The following CSGALNACT1 variants were observed in gnomAD, a reference collection of about 807,000 sequenced individuals.
The protein encoded by CSGALNACT1 is chondroitin sulfate N-acetylgalactosaminyltransferase 1, also known as beta4GalNAcT-1.
In CSGALNACT1, 52 loss-of-function variants were observed where a neutral mutation model predicts 51.0. The observed-to-expected ratio is 1.02, with a 90% CI of 0.82 to 1.29. The LOEUF (loss-of-function observed/expected upper bound fraction) is 1.29, where lower values mean the gene tolerates loss of function less well. Ranked by LOEUF, CSGALNACT1 falls within the 50% of genes most tolerant of loss-of-function variation. CSGALNACT1 has a pLI of 0.00. For missense variants in CSGALNACT1, 935 were observed against 679.2 expected, an observed-to-expected ratio of 1.38 and a Z score of -4.19; for synonymous variants, 341 against 254.4, an observed-to-expected ratio of 1.34 and a Z score of -3.24.
intron 5 of CSGALNACT1, among the ~76,000 whole-genome samples, chr8:19,440,794 G>C (rs1167652880): frequency 5.3e-5 from 8 of 151,972 alleles, no homozygotes; most frequent in African/African-American, 1.9e-4. Flanking sequence ...GTTTGCAGAT[G>C]ACATGATTGT....
intron 6 of CSGALNACT1, among the ~76,000 whole-genome samples, chr8:19,435,326 C>A (rs1423642056): frequency 6.6e-6 from 1 of 152,104 alleles, no homozygotes; most frequent in Non-Finnish European, 1.5e-5. Flanking sequence ...AACCCCATCT[C>A]TTCTAAAAAT....
At chr8:19,490,241 G>T (rs2074062105) in intron 4 of CSGALNACT1, among the ~76,000 whole-genome samples, 1 of 152,192 alleles carries the variant, frequency 6.6e-6, no homozygotes, top group East Asian at 1.9e-4. Flanking sequence ...ACAGATGGAA[G>T]GCTGCACACG....
chr8:19,736,892 C>G (rs1250448829), intron 1 of CSGALNACT1, among the ~76,000 whole-genome samples: 1 of 151,010 alleles, frequency 6.6e-6, no homozygotes, highest in African/African-American at 2.4e-5. Flanking sequence ...GACAATTATC[C>G]TTGAGTTCAG....
intron 3 of CSGALNACT1, among the ~76,000 whole-genome samples, chr8:19,571,048 T>C (rs1362274973): frequency 6.6e-6 from 1 of 152,194 alleles, no homozygotes; most frequent in Non-Finnish European, 1.5e-5. Flanking sequence ...GCACAATCAC[T>C]GCAGCCTCAA....
chr8:19,578,228 T>A (rs146250769), intron 3 of CSGALNACT1, among the ~76,000 whole-genome samples: 1 of 152,196 alleles, frequency 6.6e-6, no homozygotes, highest in Admixed American at 6.5e-5. Flanking sequence ...TAAATATTTA[T>A]CACCATTTCT....
chr8:19,697,571 T>C (rs1176865798), intron 1 of CSGALNACT1, among the ~76,000 whole-genome samples: 1 of 152,170 alleles, frequency 6.6e-6, no homozygotes, highest in African/African-American at 2.4e-5. Context: ...TGGAAAAATC[T>C]AGAGACTGGA....
At chr8:19,669,592 A>G (rs557563891) in intron 1 of CSGALNACT1, among the ~76,000 whole-genome samples, 1 of 152,210 alleles carries the variant, frequency 6.6e-6, no homozygotes, top group South Asian at 2.1e-4. Flanking sequence ...GCTGGGATTA[A>G]TAGGTGCCTG....
intron 3 of CSGALNACT1, among the ~76,000 whole-genome samples, chr8:19,532,664 A>G (rs1032578844): frequency 6.6e-6 from 1 of 152,110 alleles, no homozygotes; most frequent in African/African-American, 2.4e-5. Flanking sequence ...CTTGGCTCCT[A>G]CCATATTCCA....
intron 6 of CSGALNACT1, among the ~76,000 whole-genome samples, chr8:19,421,463 T>G (rs1462579575): frequency 6.6e-6 from 1 of 152,208 alleles, no homozygotes; most frequent in Non-Finnish European, 1.5e-5. Context: ...GAGAACCACC[T>G]TCAGTCTTCT....
chr8:19,607,020 T>G (rs930550510), upstream of CSGALNACT1, among the ~76,000 whole-genome samples: 1 of 152,026 alleles, frequency 6.6e-6, no homozygotes, highest in Non-Finnish European at 1.5e-5. Context: ...CCGGGCATGG[T>G]GGCAGGCGCC....
intron 3 of CSGALNACT1, among the ~76,000 whole-genome samples, chr8:19,586,260 G>T (rs915586333): frequency 6.6e-6 from 1 of 152,246 alleles, no homozygotes; most frequent in African/African-American, 2.4e-5. Context: ...TTGGGAGGCT[G>T]AAGCAGAAGA....
At chr8:19,474,592 G>C (rs1586788763) in intron 4 of CSGALNACT1, among the ~76,000 whole-genome samples, 2 of 152,094 alleles carry the variant, frequency 1.3e-5, no homozygotes, top group Non-Finnish European at 2.9e-5. Flanking sequence ...TTCCGGCCAG[G>C]TGTGGTGGCT....
chr8:19,680,582 A>G (rs1430469727), intron 1 of CSGALNACT1, among the ~76,000 whole-genome samples: 1 of 55,046 alleles, frequency 1.8e-5, no homozygotes, highest in Non-Finnish European at 3.6e-5. Context: ...CCCCCCCCAC[A>G]AAAAAAGAGA....
chr8:19,677,727 A>G (rs2060299414), intron 1 of CSGALNACT1, among the ~76,000 whole-genome samples: 1 of 152,184 alleles, frequency 6.6e-6, no homozygotes, highest in South Asian at 2.1e-4. Context: ...ACCAGCTGAT[A>G]TTAAGGAAAG....
rs895514361 is a variant in CSGALNACT1 at position 19,569,419 on chromosome 8, C to A, written c.-297+21741G>T. Among the ~76,000 whole-genome samples the A allele has an allele frequency of 2.6e-5, 4 of 152,172 alleles. No individual in the cohort carries two copies. The South Asian group carries it at 8.3e-4, about 32-fold the overall frequency. On this transcript the variant is annotated intron_variant, in intron 3 of 9. Coordinates refer to ENST00000454498, the Ensembl canonical transcript of CSGALNACT1. The stretch of plus-strand genomic sequence containing the variant: ...GAGTGATGCTTTGTCCTTTTATAGA[C>A]CTTGTGATACAATAAAGCTTTTTGA...
intron 1 of CSGALNACT1, among the ~76,000 whole-genome samples, chr8:19,721,319 C>A (rs1446975548): frequency 6.6e-6 from 1 of 152,188 alleles, no homozygotes; most frequent in African/African-American, 2.4e-5. Context: ...CCTCTGCCTA[C>A]TCCACCCACC....
At chr8:19,702,220 T>G (rs1472642203) in intron 1 of CSGALNACT1, among the ~76,000 whole-genome samples, 1 of 152,128 alleles carries the variant, frequency 6.6e-6, no homozygotes, top group African/African-American at 2.4e-5. Flanking sequence ...AGGTATTCAG[T>G]GGATCCCTAG....
chr8:19,530,284 C>T (rs997029148), intron 3 of CSGALNACT1, among the ~76,000 whole-genome samples: 1 of 151,500 alleles, frequency 6.6e-6, no homozygotes, highest in Non-Finnish European at 1.5e-5. Flanking sequence ...TGGTTGAATC[C>T]ATTCAATATC....
intron 1 of CSGALNACT1, among the ~76,000 whole-genome samples, chr8:19,708,674 G>A (rs1401607595): frequency 6.6e-6 from 1 of 152,186 alleles, no homozygotes; most frequent in African/African-American, 2.4e-5. Flanking sequence ...GGCAGGAGAT[G>A]GGGAAGACTT....
Sources: allele counts gnomAD v4.1 joint callset (sites outside exome capture counted in the v4.1 genomes callset), GRCh38; gene constraint gnomAD v4.1.1; transcripts MANE v1.5; gene names NCBI Gene and HGNC (gene_info 2026-07-23, HGNC 2026-07-21).